The following PLEKHA8 variants were observed in gnomAD, a reference collection of about 807,000 sequenced individuals.
PLEKHA8 encodes pleckstrin homology domain-containing family A member 8.
In PLEKHA8, 36 loss-of-function variants were observed where a neutral mutation model predicts 68.2. That is an observed-to-expected ratio of 0.53 (90% CI 0.40 to 0.70). The LOEUF (loss-of-function observed/expected upper bound fraction) is 0.70, where lower values mean the gene tolerates loss of function less well. PLEKHA8 is among the 30% of genes least tolerant of loss of function. PLEKHA8 has a pLI of 0.00. For synonymous variants in PLEKHA8, 211 were observed against 216.1 expected (o/e 0.98, Z 0.20); for missense variants, 505 against 615.4 (o/e 0.82, Z 1.90).
intron 13 of PLEKHA8, among the ~76,000 whole-genome samples, chr7:30,096,005 C>T (rs976755795): frequency 5.9e-5 from 9 of 152,102 alleles, no homozygotes; most frequent in South Asian, 2.1e-4. Context: ...CTTGGCAATG[C>T]GGGCTCTTTT....
At chr7:30,118,920 AT>A (rs1796651070) in intron 13 of PLEKHA8, among the ~76,000 whole-genome samples, 1 of 152,218 alleles carries the variant, frequency 6.6e-6, no homozygotes. Flanking sequence ...CCACATGCAG[AT>A]TCTACCTTTC....
At position 30,084,193 on chromosome 7, in the gene PLEKHA8, C is replaced by G. The variant is rs193055520; in HGVS notation, c.*5406C>G. On this transcript the variant is annotated 3_prime_UTR_variant, in exon 14 of 14. Coordinates refer to ENST00000449726, the MANE Select transcript of PLEKHA8 (RefSeq NM_001197026.2). ...AGAAGAAACATGATAGACCAGATGC[C>G]AAAGGCTAAAATGTACATAGATTTC... is the stretch of plus-strand genomic sequence containing the variant. The G allele has an allele frequency of 2.0e-6, 2 of 985,208 alleles. No individual in the cohort carries two copies. Among genetic ancestry groups the G allele is most frequent in the Admixed American group, 6.1e-5 (1 of 16,276 alleles). 61.0% of individuals were successfully genotyped at this position (985,208 alleles called of 1,614,324 possible). A position where few individuals can be genotyped will look rare whatever the true frequency, so the allele number is the denominator to read the frequency against.
chr7:30,054,167 A>G (rs1189213933), intron 7 of PLEKHA8, among the ~76,000 whole-genome samples: 1 of 152,222 alleles, frequency 6.6e-6, no homozygotes, highest in Non-Finnish European at 1.5e-5. Flanking sequence ...TGTCTATACT[A>G]TGAGAGCTGA....
chr7:30,046,551 G>A (rs1453756412), intron 3 of PLEKHA8, among the ~76,000 whole-genome samples, 186 bp downstream of exon 3: 1 of 152,200 alleles, frequency 6.6e-6, no homozygotes, highest in Admixed American at 6.5e-5. Context: ...ATAGCATAGT[G>A]CAAAGAATGC....
At chr7:30,056,344 T>C (rs13226935) in intron 9 of PLEKHA8, among the ~76,000 whole-genome samples, 1 of 129,114 alleles carries the variant, frequency 7.7e-6, no homozygotes, top group East Asian at 2.2e-4. Context: ...ATAACATATA[T>C]ATAATATATA....
intron 13 of PLEKHA8, among the ~76,000 whole-genome samples, chr7:30,105,311 TAAA>T (rs59891172): frequency 1.0e-3 from 54 of 53,728 alleles, no homozygotes; most frequent in African/African-American, 4.0e-3. Context: ...TCTCTATAAT[TAAA>T]AAAAAAAAAA....
At chr7:30,049,187 C>T in intron 4 of PLEKHA8, 37 bp from the exon 5 acceptor site, 1 of 1,611,860 alleles carries the variant, frequency 6.2e-7, no homozygotes, top group African/African-American at 1.3e-5. Context: ...TCTTTTTTGG[C>T]AAGGTAAAGG....
intron 13 of PLEKHA8, among the ~76,000 whole-genome samples, chr7:30,114,799 C>T (rs1796376441): frequency 6.6e-6 from 1 of 152,086 alleles, no homozygotes; most frequent in Non-Finnish European, 1.5e-5. Context: ...ATGTGGAACT[C>T]TTTTTTGGCT....
At chr7:30,122,518 C>T (rs1796711761) in intron 13 of PLEKHA8, among the ~76,000 whole-genome samples, 1 of 152,202 alleles carries the variant, frequency 6.6e-6, no homozygotes, top group African/African-American at 2.4e-5. Context: ...AAAACGACCA[C>T]AATGTAACTG....
chr7:30,125,473 A>G (rs892326373), intron 13 of PLEKHA8, among the ~76,000 whole-genome samples: 1 of 152,230 alleles, frequency 6.6e-6, no homozygotes, highest in East Asian at 1.9e-4. Flanking sequence ...GAGATTTATC[A>G]GTACCCTGGC....
intron 6 of PLEKHA8, among the ~76,000 whole-genome samples, chr7:30,051,019 C>T (rs185814559): frequency 7.5e-4 from 114 of 152,252 alleles, no homozygotes; most frequent in Non-Finnish European, 1.1e-3. Context: ...CTTACCTCAG[C>T]GTCCCAAGTA....
chr7:30,050,417 C>A lies in PLEKHA8; in HGVS notation c.598-17C>A. 2 of 1,568,342 alleles carry A rather than the reference C, an allele frequency of 1.3e-6. No individual in the cohort carries two copies. The highest frequency in any genetic ancestry group is 2.3e-5 in the East Asian group (1 of 44,056). ...AAGTTTAACATGTGAACTTTCCTTT[C>A]TTTGCTTCTTTTAAAGATGAAACAT... is the stretch of plus-strand genomic sequence containing the variant. On this transcript the variant is annotated splice_polypyrimidine_tract_variant and intron_variant, in intron 5 of 13. Coordinates refer to ENST00000449726, the MANE Select transcript of PLEKHA8 (RefSeq NM_001197026.2).
intron 1 of PLEKHA8, among the ~76,000 whole-genome samples, chr7:30,031,438 C>G (rs557704641): frequency 6.6e-6 from 1 of 152,262 alleles, no homozygotes; most frequent in African/African-American, 2.4e-5. Flanking sequence ...ACTTTTCAGG[C>G]ACAGGGAATG....
intron 12 of PLEKHA8, chr7:30,071,747 A>G (rs1346812355): frequency 1.3e-5 from 2 of 152,318 alleles, no homozygotes; most frequent in East Asian, 3.9e-4. Context: ...AATGGCATTT[A>G]ATGCCCTGCA....
In PLEKHA8 at chr7:30,049,364, C is replaced by T; in HGVS notation, c.579C>T (p.Ala193=). 1 of 1,614,026 alleles carries T rather than the reference C, an allele frequency of 6.2e-7. No individual in the cohort carries two copies. Among genetic ancestry groups the T allele is most frequent in the East Asian group, 2.2e-5 (1 of 44,874 alleles). Residue 193 remains alanine (A), a synonymous_variant, in exon 5 of 14, where the codon GCC becomes GCT. Coordinates refer to ENST00000449726, the MANE Select transcript of PLEKHA8 (RefSeq NM_001197026.2). ...CTCCACCAGGATCACCTCAGCTGGC[C>T]ATGCTCAAGTCCAGCAAGGTAAAAG... ...YRTPPGSPQL[A]MLKSSKMKHP...
At chr7:30,069,714 G>A (rs1794109631) in intron 12 of PLEKHA8, 1 of 152,176 alleles carries the variant, frequency 6.6e-6, no homozygotes, top group Non-Finnish European at 1.5e-5. Flanking sequence ...ACAGAATGGT[G>A]TGATGCAACA....
chr7:30,106,704 T>C (rs1246844667), intron 13 of PLEKHA8, among the ~76,000 whole-genome samples: 1 of 152,186 alleles, frequency 6.6e-6, no homozygotes, highest in Non-Finnish European at 1.5e-5. Context: ...ATAAAAAGAA[T>C]GTGGGCAAAA....
chr7:30,039,267 A>G (rs1381844851), intron 1 of PLEKHA8, among the ~76,000 whole-genome samples: 1 of 152,200 alleles, frequency 6.6e-6, no homozygotes, highest in Non-Finnish European at 1.5e-5. Flanking sequence ...TAATCCTAGC[A>G]CTTTTGGAAG....
intron 13 of PLEKHA8, among the ~76,000 whole-genome samples, chr7:30,075,963 CTG>C (rs986090567): frequency 3.3e-4 from 50 of 151,990 alleles, no homozygotes; most frequent in Non-Finnish European, 3.8e-4. Flanking sequence ...GAAATTAAAA[CTG>C]TCCATATTTT....
Sources: allele counts gnomAD v4.1 joint callset (sites outside exome capture counted in the v4.1 genomes callset), GRCh38; gene constraint gnomAD v4.1.1; transcripts MANE v1.5; gene names NCBI Gene and HGNC (gene_info 2026-07-23, HGNC 2026-07-21).